Variants in SNTB1 observed in about 807,000 individuals in gnomAD.
SNTB1 encodes beta-1-syntrophin.
A neutral mutation model predicts 48.9 loss-of-function variants in SNTB1; 36 were observed. The observed-to-expected ratio is 0.74, with a 90% CI of 0.56 to 0.97. The LOEUF (loss-of-function observed/expected upper bound fraction) is 0.97. Ranked by LOEUF, SNTB1 falls within the 50% of genes least tolerant of loss-of-function variation. SNTB1 has a pLI of 0.00. For missense variants in SNTB1, 786 were observed against 703.4 expected (o/e 1.12, Z -1.33); for synonymous variants, 299 against 294.6 (o/e 1.01, Z -0.15).
Position 120,544,282 on chromosome 8 carries a change from C to T in SNTB1, c.1334-2282G>A, listed in dbSNP as rs2130646203. 2.0e-5 allele frequency among the ~76,000 whole-genome samples: 3 copies of T among 152,244 alleles called. No individual in the cohort carries two copies. In the South Asian group the frequency reaches 6.2e-4, roughly 32 times the overall value. ...TTTTTGGAGTATCTGACCTCAAATACTCTGGTTGACCTCAAATAGTATTTG... is the reference window on the plus strand; with the variant it reads ...TTTTTGGAGTATCTGACCTCAAATATTCTGGTTGACCTCAAATAGTATTTG... On this transcript the variant is annotated intron_variant, in intron 5 of 6. Transcript: ENST00000517992.
At chr8:120,677,518 C>T (rs1233604560) in intron 2 of SNTB1, among the ~76,000 whole-genome samples, 5 of 152,102 alleles carry the variant, frequency 3.3e-5, no homozygotes, top group African/African-American at 7.2e-5. Flanking sequence ...ACTGAAAATA[C>T]GACTTTCCCA....
At chr8:120,669,613 C>A in intron 2 of SNTB1, among the ~76,000 whole-genome samples, 1 of 88,166 alleles carries the variant, frequency 1.1e-5, no homozygotes, top group Admixed American at 1.0e-4. Flanking sequence ...CCACCGCGCC[C>A]GGCTAATTTT....
At chr8:120,601,950 A>G (rs527735228) in intron 3 of SNTB1, among the ~76,000 whole-genome samples, 2 of 152,330 alleles carry the variant, frequency 1.3e-5, no homozygotes, top group African/African-American at 4.8e-5. Context: ...GGCTCCAGAA[A>G]CCTTGAGACT....
At position 120,558,582 on chromosome 8, in the gene SNTB1, G is replaced by A. The variant is rs942213588; in HGVS notation, c.1137-9624C>T. ...AATAAGTGAAAAAATAAATAGGACC[G>A]TATAATATCAGAGAGGGGCAACAGA... is the stretch of plus-strand genomic sequence containing the variant. On this transcript the variant is annotated intron_variant, in intron 4 of 6. Transcript: ENST00000517992. Among the ~76,000 whole-genome samples, 28 of 152,164 alleles carry A rather than the reference G, an allele frequency of 1.8e-4. No homozygotes were observed. In the East Asian group the frequency reaches 2.1e-3, roughly 11 times the overall value.
At position 120,630,203 on chromosome 8, in the gene SNTB1, A is replaced by G. The variant is rs193198394; in HGVS notation, c.996+2241T>C. ...CCTGGAAGACTCACTTTAAGAGTGCATCCGTGGGGCTTCTTACCTCTGGCT... is the reference window on the plus strand; with the variant it reads ...CCTGGAAGACTCACTTTAAGAGTGCGTCCGTGGGGCTTCTTACCTCTGGCT... On this transcript the variant is annotated intron_variant, in intron 3 of 6. Coordinates refer to ENST00000517992, the MANE Select transcript of SNTB1 (RefSeq NM_021021.4). 2.0e-3 allele frequency among the ~76,000 whole-genome samples: 306 copies of G among 152,314 alleles called. 1 individual carries two copies. Among genetic ancestry groups the G allele is most frequent in the African/African-American group, 7.1e-3 (295 of 41,566 alleles).
rs529260768 is a variant in SNTB1 at position 120,546,579 on chromosome 8, G to A, written c.1333+2183C>T. ...CAACCTCTGCCTCCTGGGTTCAAGC[G>A]ATTTTCCTGCCTCCCAAGTAGCTGG... On this transcript the variant is annotated intron_variant, in intron 5 of 6. Coordinates refer to ENST00000517992, the MANE Select transcript of SNTB1 (RefSeq NM_021021.4). 1.6e-4 allele frequency among the ~76,000 whole-genome samples: 25 copies of A among 152,150 alleles called. No individual in the cohort carries two copies. The South Asian group carries it at 5.0e-3, about 30-fold the overall frequency.
intron 2 of SNTB1, among the ~76,000 whole-genome samples, chr8:120,674,474 C>T (rs1197047555): frequency 6.6e-6 from 1 of 152,202 alleles, no homozygotes; most frequent in South Asian, 2.1e-4. Flanking sequence ...GAAACCACTA[C>T]ATGGTAACAG....
intron 2 of SNTB1, 46 bp downstream of exon 2, chr8:120,693,646 G>T: frequency 6.5e-7 from 1 of 1,547,406 alleles, no homozygotes; most frequent in Non-Finnish European, 8.9e-7. Flanking sequence ...TAGCCTGAGA[G>T]GCCGAGGAGC....
At chr8:120,753,417 T>C (rs1365444933) in intron 1 of SNTB1, among the ~76,000 whole-genome samples, 1 of 152,120 alleles carries the variant, frequency 6.6e-6, no homozygotes, top group Non-Finnish European at 1.5e-5. Flanking sequence ...ACCAACAAAA[T>C]CCAATCTCCA....
chr8:120,569,027 GC>G (rs1246227253), intron 4 of SNTB1, among the ~76,000 whole-genome samples: 39 of 152,310 alleles, frequency 2.6e-4, no homozygotes, highest in African/African-American at 8.7e-4. Flanking sequence ...TGTTGCCCAG[GC>G]TGGAGTGCAG....
chr8:120,716,101 A>G (rs931278744), intron 1 of SNTB1, among the ~76,000 whole-genome samples: 6 of 152,194 alleles, frequency 3.9e-5, no homozygotes, highest in Admixed American at 1.3e-4. Flanking sequence ...AAGAAACTCC[A>G]GTCTTTCATC....
At chr8:120,775,746 GGAAGGAAGGAAAGAAGGAAA>G (rs1308735066) in intron 1 of SNTB1, among the ~76,000 whole-genome samples, 8 of 140,206 alleles carry the variant, frequency 5.7e-5, no homozygotes, top group African/African-American at 2.3e-4. Context: ...AAGGAAGGAA[GGAAGGAAGGAAAGAAGGAAA>G]GAAGGAAGGA....
chr8:120,568,138 A>C (rs1228895030), intron 4 of SNTB1, among the ~76,000 whole-genome samples: 1 of 152,128 alleles, frequency 6.6e-6, no homozygotes, highest in East Asian at 1.9e-4. Context: ...TTCCCTTTGA[A>C]TGCTACCATT....
At chr8:120,765,724 C>T (rs1587143658) in intron 1 of SNTB1, 1 of 152,202 alleles carries the variant, frequency 6.6e-6, no homozygotes, top group South Asian at 2.1e-4. Flanking sequence ...CACCTCCCAA[C>T]ACTGTTGCAC....
intron 2 of SNTB1, among the ~76,000 whole-genome samples, chr8:120,649,717 T>G (rs537072161): frequency 2.1e-4 from 32 of 152,166 alleles, no homozygotes; most frequent in African/African-American, 7.7e-4. Flanking sequence ...TCCCGGCTGC[T>G]TTGTTTACCT....
At chr8:120,649,845 C>A (rs1396625822) in intron 2 of SNTB1, among the ~76,000 whole-genome samples, 1 of 151,992 alleles carries the variant, frequency 6.6e-6, no homozygotes, top group African/African-American at 2.4e-5. Context: ...ACCCTCTGAG[C>A]CAGGTGTGGG....
chr8:120,741,054 G>A (rs745320742), intron 1 of SNTB1, among the ~76,000 whole-genome samples: 4 of 152,142 alleles, frequency 2.6e-5, no homozygotes, highest in Non-Finnish European at 4.4e-5. Flanking sequence ...CATCAGTCCT[G>A]TCCACACGCT....
chr8:120,560,952 A>C (rs553933620), intron 4 of SNTB1, among the ~76,000 whole-genome samples: 1 of 152,260 alleles, frequency 6.6e-6, no homozygotes, highest in Admixed American at 6.5e-5. Flanking sequence ...CCACGGCTAT[A>C]TGACTACAGA....
chr8:120,579,096 G>C (rs1253526693), intron 3 of SNTB1, among the ~76,000 whole-genome samples: 1 of 152,134 alleles, frequency 6.6e-6, no homozygotes, highest in Non-Finnish European at 1.5e-5. Flanking sequence ...AGAATCACTT[G>C]AACCCGGGAG....
Sources: gnomAD v4.1 joint callset for allele counts (sites outside exome capture counted in the v4.1 genomes callset) on GRCh38, gnomAD v4.1.1 for gene constraint, MANE v1.5 for transcripts, NCBI Gene and HGNC (gene_info 2026-07-23, HGNC 2026-07-21) for gene names.